FGF2: variants seen among roughly 807,000 people sequenced by gnomAD.
The protein encoded by FGF2 is basic fibroblast growth factor bFGF.
In FGF2, 13 loss-of-function variants were observed where a neutral mutation model predicts 15.9. The ratio of observed to expected loss-of-function variants is 0.82; its 90% CI spans 0.53 to 1.30. FGF2 has a LOEUF of 1.30. Ranked by LOEUF, FGF2 falls within the 50% of genes most tolerant of loss-of-function variation. The pLI, the probability that FGF2 is intolerant of heterozygous loss-of-function variation, is 0.00. For synonymous variants in FGF2, 90 were observed against 78.4 expected, an observed-to-expected ratio of 1.15 and a Z score of -0.78; for missense variants, 163 against 196.9, an observed-to-expected ratio of 0.83 and a Z score of 1.03.
chr4:122,838,595 C>A (rs1725913162), intron 1 of FGF2, among the ~76,000 whole-genome samples: 1 of 152,158 alleles, frequency 6.6e-6, no homozygotes, highest in Admixed American at 6.5e-5. Flanking sequence ...GGCCAGAATT[C>A]CGCATGGACA....
At chr4:122,836,122 T>C (rs886891129) in intron 1 of FGF2, among the ~76,000 whole-genome samples, 1 of 152,220 alleles carries the variant, frequency 6.6e-6, no homozygotes, top group Admixed American at 6.5e-5. Flanking sequence ...TCTGTAATAG[T>C]TAGTGGTTTA....
chr4:122,875,761 T>TGTGCCACTGCA (rs1310685906), intron 1 of FGF2, among the ~76,000 whole-genome samples: 2 of 151,976 alleles, frequency 1.3e-5, no homozygotes, highest in African/African-American at 4.8e-5. Flanking sequence ...GAGCCGTGAT[T>TGTGCCACTGCA]GTGCCACTGC....
At chr4:122,868,390 G>A (rs773001064) in intron 1 of FGF2, among the ~76,000 whole-genome samples, 107 of 152,104 alleles carry the variant, frequency 7.0e-4, no homozygotes, top group Non-Finnish European at 9.9e-4. Context: ...CTTTTCCTGT[G>A]TTAGTTTGCT....
At chr4:122,885,921 T>C (rs1219100844) in intron 2 of FGF2, among the ~76,000 whole-genome samples, 2 of 99,452 alleles carry the variant, frequency 2.0e-5, no homozygotes, top group African/African-American at 6.2e-5. Flanking sequence ...TCCTTTTTTT[T>C]TTTTTTTTTT....
chr4:122,877,253 G>A (rs749662834), intron 2 of FGF2, among the ~76,000 whole-genome samples: 9 of 152,098 alleles, frequency 5.9e-5, no homozygotes, highest in South Asian at 2.1e-4. Flanking sequence ...GGGATTACAG[G>A]AATGCACCAC....
chr4:122,846,238 C>G (rs1726106569), intron 1 of FGF2, among the ~76,000 whole-genome samples: 1 of 152,142 alleles, frequency 6.6e-6, no homozygotes, highest in Non-Finnish European at 1.5e-5. Flanking sequence ...TCAAAGATTA[C>G]TGATCACAGA....
At chr4:122,866,296 A>G (rs1726579461) in intron 1 of FGF2, among the ~76,000 whole-genome samples, 1 of 151,542 alleles carries the variant, frequency 6.6e-6, no homozygotes, top group Non-Finnish European at 1.5e-5. Flanking sequence ...TGAACCCAGG[A>G]GGCGGAGCTT....
At chr4:122,840,985 T>C (rs1472122256) in intron 1 of FGF2, among the ~76,000 whole-genome samples, 1 of 152,096 alleles carries the variant, frequency 6.6e-6, no homozygotes, top group Non-Finnish European at 1.5e-5. Flanking sequence ...TCCAAGAGGT[T>C]TGAGAATACT....
chr4:122,827,181 G>A lies in FGF2; in HGVS notation c.7G>A (p.Ala3Thr). The A allele has an allele frequency of 1.0e-5, 16 of 1,580,540 alleles. No homozygotes were observed. The highest frequency in any genetic ancestry group is 1.2e-5 in the Non-Finnish European group (14 of 1,166,320). ...GCCGGGCCCCGCAGGGACCATGGCAGCCGGGAGCATCACCACGCTGCCCGC... is the reference window on the plus strand; with the variant it reads ...GCCGGGCCCCGCAGGGACCATGGCAACCGGGAGCATCACCACGCTGCCCGC... MA[A>T]GSITTLPALP... The change falls in exon 1 of 3, where the codon GCC becomes ACC. Residue 3 changes from alanine (A) to threonine (T), a missense_variant. Ala to Thr is a moderately conservative substitution (Grantham distance 58). Coordinates refer to ENST00000644866, the MANE Select transcript of FGF2 (RefSeq NM_001361665.2). This position sits in a 1 kb window ranked among gnomAD's most constrained non-coding sequence, Gnocchi z 4.2.
chr4:122,873,847 A>G (rs931889696), intron 1 of FGF2, among the ~76,000 whole-genome samples: 3 of 152,232 alleles, frequency 2.0e-5, no homozygotes, highest in African/African-American at 7.2e-5. Flanking sequence ...ACACTCTTCA[A>G]GAATCTTACA....
chr4:122,840,176 G>A (rs183408534), intron 1 of FGF2, among the ~76,000 whole-genome samples: 140 of 152,220 alleles, frequency 9.2e-4, no homozygotes, highest in African/African-American at 3.2e-3. Context: ...ACATGAGTTC[G>A]GGGAACACAA....
intron 1 of FGF2, among the ~76,000 whole-genome samples, chr4:122,874,519 A>G (rs956128208): frequency 6.6e-6 from 1 of 152,198 alleles, no homozygotes; most frequent in Non-Finnish European, 1.5e-5. Context: ...TTTAAATTGT[A>G]AATTCTTAAA....
intron 1 of FGF2, among the ~76,000 whole-genome samples, chr4:122,853,163 TG>T (rs1283359134): frequency 1.3e-5 from 2 of 152,054 alleles, no homozygotes; most frequent in African/African-American, 2.4e-5. Context: ...CCAGGTGTGG[TG>T]GTGGGTGCCT....
chr4:122,851,098 T>C (rs1726222713), intron 1 of FGF2, among the ~76,000 whole-genome samples: 1 of 152,070 alleles, frequency 6.6e-6, no homozygotes, highest in Non-Finnish European at 1.5e-5. Flanking sequence ...AAAGCACAAT[T>C]TTAGTATTAT....
In FGF2 at chr4:122,895,753, G is replaced by C. The variant is rs1727332314; in HGVS notation, c.*3357G>C. 1 of 152,144 alleles carries C rather than the reference G, an allele frequency of 6.6e-6. No homozygotes were observed. The highest frequency in any genetic ancestry group is 1.5e-5 in the Non-Finnish European group (1 of 68,032). The allele number at this position is 152,144 out of a possible 1,614,324, so 9.4% of individuals were successfully genotyped here. A position where few individuals can be genotyped will look rare whatever the true frequency, so the allele number is the denominator to read the frequency against. ...TGGATAACAATTCTTCATTTACCTA[G>C]TATTATGAAAGAATGAAGGAGTTCA... On this transcript the variant is annotated 3_prime_UTR_variant, in exon 3 of 3. Transcript: ENST00000644866.
Position 122,892,423 on chromosome 4 carries a change from T to G in FGF2, c.*27T>G. On this transcript the variant is annotated 3_prime_UTR_variant, in exon 3 of 3. Coordinates refer to ENST00000644866, the MANE Select transcript of FGF2 (RefSeq NM_001361665.2). ...TTTAATGGCCACATCTAATCTCATTTCACATGAAAGAAGAAGTATATTTTA... is the reference window on the plus strand; with the variant it reads ...TTTAATGGCCACATCTAATCTCATTGCACATGAAAGAAGAAGTATATTTTA... The G allele has an allele frequency of 6.2e-7, 1 of 1,612,080 alleles. No individual in the cohort carries two copies. The highest frequency in any genetic ancestry group is 8.5e-7 in the Non-Finnish European group (1 of 1,178,154).
Position 122,892,384 on chromosome 4 carries a change from T to C in FGF2, c.456T>C (p.Ser152=). The C allele has an allele frequency of 6.2e-7, 1 of 1,614,082 alleles. No individual in the cohort carries two copies. Among genetic ancestry groups the C allele is most frequent in the Non-Finnish European group, 8.5e-7 (1 of 1,179,946 alleles). Residue 152 remains serine, a synonymous_variant, in exon 3 of 3, where the codon TCT becomes TCC. Transcript: ENST00000644866. The part of the protein sequence containing the change: ...GQKAILFLPM[S]AKS ...AAGCTATACTTTTTCTTCCAATGTC[T>C]GCTAAGAGCTGATTTTAATGGCCAC...
intron 1 of FGF2, 22 bp from the exon 2 acceptor site, chr4:122,876,299 A>G (rs1336625196): frequency 1.4e-6 from 2 of 1,428,426 alleles, no homozygotes; most frequent in South Asian, 1.1e-5. Flanking sequence ...TGCTACAAAG[A>G]TAATTTTTTT....
chr4:122,882,439 CA>C (rs1465932307), intron 2 of FGF2: 1 of 152,162 alleles, frequency 6.6e-6, no homozygotes, highest in African/African-American at 2.4e-5. Context: ...TTAAGCTTCC[CA>C]AACTGTTGAT....
Sources: gnomAD v4.1 joint callset for allele counts (sites outside exome capture counted in the v4.1 genomes callset) on GRCh38, gnomAD v4.1.1 for gene constraint, Gnocchi (gnomAD v3.1) non-coding constraint, MANE v1.5 for transcripts, NCBI Gene and HGNC (gene_info 2026-07-23, HGNC 2026-07-21) for gene names.